Variants in NRK observed in about 807,000 individuals in gnomAD.
The protein encoded by NRK is Nik related kinase.
NRK carries 67 observed loss-of-function variants against 125.2 expected under a neutral mutation model. The ratio of observed to expected loss-of-function variants is 0.54; its 90% CI spans 0.44 to 0.66. The LOEUF (loss-of-function observed/expected upper bound fraction) is 0.66. NRK is among the 30% of genes least tolerant of loss of function. NRK has a pLI of 0.00. For missense variants in NRK, 1,224 were observed against 1,192.9 expected (o/e 1.03, Z -0.38); for synonymous variants, 458 against 429.0 (o/e 1.07, Z -0.84).
chrX:105,941,321 C>T (rs1250666168), intron 23 of NRK, among the ~76,000 whole-genome samples: 1 of 111,289 alleles, frequency 9.0e-6, no homozygotes, highest in Non-Finnish European at 1.9e-5. Flanking sequence ...TTAGTAGCAT[C>T]TTCACATAGG....
intron 16 of NRK, among the ~76,000 whole-genome samples, chrX:105,919,701 C>G (rs1156712660): frequency 9.0e-6 from 1 of 111,450 alleles, no homozygotes; most frequent in Non-Finnish European, 1.9e-5. Context: ...CTGTATTGAA[C>G]TACATCTGGA....
chrX:105,881,584 A>G, intron 3 of NRK, 124 bp from the exon 4 acceptor site: 1 of 392,346 alleles, frequency 2.5e-6, no homozygotes, highest in East Asian at 4.0e-5. Flanking sequence ...TATTGGAGAA[A>G]ATTGAGAGAG....
intron 1 of NRK, among the ~76,000 whole-genome samples, chrX:105,824,656 A>G (rs752411331): frequency 9.1e-6 from 1 of 109,566 alleles, no homozygotes; most frequent in South Asian, 4.0e-4. Flanking sequence ...GGCCCAGACT[A>G]CCTGACCCGG....
Position 105,940,047 on chromosome X carries a change from A to G in NRK, c.3958+15A>G. ...CTTCAGTGTCCGTAAGCCACATTTC[A>G]TGTTTACTACAGCTATATAAATTTT... On this transcript the variant is annotated intron_variant, in intron 23 of 28. Transcript: ENST00000243300. 1 of 1,114,376 alleles carries G rather than the reference A, an allele frequency of 9.0e-7. No homozygotes were observed. The highest frequency in any genetic ancestry group is 2.0e-5 in the South Asian group (1 of 49,905). The allele number at this position is 1,114,376 out of a possible 1,213,427, so 91.8% of individuals were successfully genotyped here.
At chrX:105,933,357 G>A (rs1023332454) in intron 19 of NRK, among the ~76,000 whole-genome samples, 1 of 112,036 alleles carries the variant, frequency 8.9e-6, no homozygotes, top group African/African-American at 3.2e-5. Context: ...AGGACGTGAT[G>A]TCATACCATG....
At position 105,822,786 on chromosome X, in the gene NRK, C is replaced by T; in HGVS notation, c.-60C>T. On this transcript the variant is annotated 5_prime_UTR_variant, in exon 1 of 29. Coordinates refer to ENST00000243300, the MANE Select transcript of NRK (RefSeq NM_198465.4). ...CTCCCTTCAACTCTTCATCCGCTTCCACCTCAGACTCTGCGCGCACCCAAT... is the reference window on the plus strand; with the variant it reads ...CTCCCTTCAACTCTTCATCCGCTTCTACCTCAGACTCTGCGCGCACCCAAT... The T allele has an allele frequency of 9.6e-7, 1 of 1,045,266 alleles. No individual in the cohort carries two copies. The highest frequency in any genetic ancestry group is 1.3e-6 in the Non-Finnish European group (1 of 760,438). 86.1% of individuals were successfully genotyped at this position (1,045,266 alleles called of 1,213,427 possible). A position where few individuals can be genotyped will look rare whatever the true frequency, so the allele number is the denominator to read the frequency against.
At position 105,831,137 on chromosome X, in the gene NRK, A is replaced by G. The variant is rs780044195; in HGVS notation, c.123+18A>G. The G allele has an allele frequency of 2.0e-6, 2 of 975,807 alleles. No homozygotes were observed. The highest frequency in any genetic ancestry group is 2.9e-6 in the Non-Finnish European group (2 of 689,312). The allele number at this position is 975,807 out of a possible 1,213,427, so 80.4% of individuals were successfully genotyped here. On this transcript the variant is annotated intron_variant, in intron 2 of 28. Transcript: ENST00000243300. ...TCTATTTGGTAAGTTGACTTACATT[A>G]TTTATTCATTCTTCATTTTCTAATG...
At chrX:105,878,228 T>C (rs1286874979) in intron 2 of NRK, among the ~76,000 whole-genome samples, 1 of 111,201 alleles carries the variant, frequency 9.0e-6, no homozygotes, top group Non-Finnish European at 1.9e-5. Context: ...AAAATATTAA[T>C]ATATAATTCC....
rs1602646696 is a variant in NRK, at chrX:105,893,769, A to G, written c.379-63A>G. The G allele has an allele frequency of 4.4e-6, 3 of 681,289 alleles. No individual in the cohort carries two copies. In the African/African-American group the frequency reaches 6.4e-5, roughly 14 times the overall value. The allele number at this position is 681,289 out of a possible 1,213,427, so 56.1% of individuals were successfully genotyped here. A position where few individuals can be genotyped will look rare whatever the true frequency, so the allele number is the denominator to read the frequency against. ...ATAGATACAAGCCATATGGACTAAA[A>G]CTCTCCAGATATTTTCAGAAAATTG... On this transcript the variant is annotated intron_variant, in intron 5 of 28. Coordinates refer to ENST00000243300, the MANE Select transcript of NRK (RefSeq NM_198465.4).
chrX:105,949,072 A>G (rs2040857303), intron 26 of NRK, among the ~76,000 whole-genome samples: 5 of 111,807 alleles, frequency 4.5e-5, no homozygotes, highest in Admixed American at 2.9e-4. Flanking sequence ...CAAGCTGTGA[A>G]GACTATTATA....
chrX:105,908,700 T>C, intron 12 of NRK, 27 bp from the exon 13 acceptor site: 1 of 1,154,557 alleles, frequency 8.7e-7, no homozygotes, highest in Non-Finnish European at 1.2e-6. Flanking sequence ...TCTAATTGTA[T>C]GCCAATCATT....
intron 2 of NRK, among the ~76,000 whole-genome samples, chrX:105,871,300 T>C (rs1406437081): frequency 1.8e-5 from 2 of 110,878 alleles, no homozygotes; most frequent in Admixed American, 9.6e-5. Context: ...CAACCTAGGG[T>C]CAATGAAAAT....
In NRK at chrX:105,909,019, C is replaced by G; in HGVS notation, c.1378C>G (p.Pro460Ala). ...QAQVKAKASK[P>A]LQMQIKAPPR... ...TCAGGTGAAGGCTAAGGCCTCTAAA[C>G]CTCTACAAATGCAGATTAAGGCACC... Residue 460 changes from proline (P) to alanine (A), a missense_variant, in exon 13 of 29, where the codon CCT (proline) becomes GCT (alanine). Physicochemically the swap from Pro to Ala is conservative, Grantham distance 27. Coordinates refer to ENST00000243300, the MANE Select transcript of NRK (RefSeq NM_198465.4). The G allele has an allele frequency of 8.3e-7, 1 of 1,210,655 alleles. No individual in the cohort carries two copies. The highest frequency in any genetic ancestry group is 1.1e-6 in the Non-Finnish European group (1 of 894,807).
intron 26 of NRK, among the ~76,000 whole-genome samples, chrX:105,947,815 A>G (rs958097577): frequency 8.9e-6 from 1 of 112,406 alleles, no homozygotes; most frequent in Non-Finnish European, 1.9e-5. Flanking sequence ...GAATTGTCTC[A>G]TATGTCTCTA....
At chrX:105,892,953 C>A (rs751919565) in intron 5 of NRK, among the ~76,000 whole-genome samples, 1 of 111,642 alleles carries the variant, frequency 9.0e-6, no homozygotes, top group Admixed American at 9.5e-5. Flanking sequence ...AGACATTTTG[C>A]TCTTTTGATA....
intron 19 of NRK, among the ~76,000 whole-genome samples, chrX:105,934,017 A>C (rs1259483151): frequency 8.9e-6 from 1 of 111,770 alleles, no homozygotes; most frequent in Non-Finnish European, 1.9e-5. Flanking sequence ...GTTAGGTCTC[A>C]AATTGTACAG....
chrX:105,924,768 A>G lies in NRK; in HGVS notation c.3049A>G (p.Arg1017Gly). 1 of 1,207,618 alleles carries G rather than the reference A, an allele frequency of 8.3e-7. No homozygotes were observed. Among genetic ancestry groups the G allele is most frequent in the Non-Finnish European group, 1.1e-6 (1 of 892,933 alleles). Reference sequence around the variant, plus strand: ...AAGTCGTGGAAAAGAGGAAGCCTACAGAGGCTATGGAAGCCATACAGCCAA... The same window carrying G: ...AAGTCGTGGAAAAGAGGAAGCCTACGGAGGCTATGGAAGCCATACAGCCAA... Reference protein sequence around the residue: ...DGSRGKEEAYRGYGSHTANRS... With the variant: ...DGSRGKEEAYGGYGSHTANRS... Residue 1017 changes from arginine (R) to glycine (G), a missense_variant, in exon 19 of 29, where the codon AGA becomes GGA. Physicochemically the swap from Arg to Gly is moderately radical, Grantham distance 125 (BLOSUM62 -2). Transcript: ENST00000243300.
chrX:105,843,855 C>T (rs747183256), intron 2 of NRK, among the ~76,000 whole-genome samples: 93 of 110,677 alleles, frequency 8.4e-4, no homozygotes, highest in Non-Finnish European at 1.5e-3. Flanking sequence ...CTACAATTCC[C>T]AGTTGCTGTA....
At chrX:105,853,160 G>C (rs1238085362) in intron 2 of NRK, among the ~76,000 whole-genome samples, 1 of 111,673 alleles carries the variant, frequency 9.0e-6, no homozygotes, top group African/African-American at 3.3e-5. Flanking sequence ...GGTTCTCAAA[G>C]TTTGGCCTCT....
Sources: allele counts gnomAD v4.1 joint callset (sites outside exome capture counted in the v4.1 genomes callset), GRCh38; gene constraint gnomAD v4.1.1; transcripts MANE v1.5; gene names NCBI Gene and HGNC (gene_info 2026-07-23, HGNC 2026-07-21).